Variants in CNNM2 observed in about 807,000 individuals in gnomAD.
The protein encoded by CNNM2 is cyclin and CBS domain divalent metal cation transport mediator 2.
In CNNM2, 12 loss-of-function variants were observed where a neutral mutation model predicts 66.9. That is an observed-to-expected ratio of 0.18 (90% CI 0.11 to 0.29). The LOEUF is 0.29. Ranked by LOEUF, CNNM2 falls within the 10% of genes least tolerant of loss-of-function variation. The pLI is 1.00. For synonymous variants in CNNM2, 557 were observed against 501.8 expected, an observed-to-expected ratio of 1.11 and a Z score of -1.47; for missense variants, 705 against 1,167.7, an observed-to-expected ratio of 0.60 and a Z score of 5.77.
chr10:102,971,001 G>A (rs1309015168), intron 1 of CNNM2, among the ~76,000 whole-genome samples: 1 of 150,176 alleles, frequency 6.7e-6, no homozygotes, highest in East Asian at 2.0e-4. Context: ...GACCAGCCTG[G>A]ACAAGATGGT....
In CNNM2 at chr10:102,919,026, G is replaced by A; in HGVS notation, c.546G>A (p.Lys182=). The stretch of plus-strand genomic sequence containing the variant: ...AGATCGAGATCAAACCGCTACGCAA[G>A]ATGGAGAAGAGCAAGTCCTATTACC... ...IIEIEIKPLR[K]MEKSKSYYLC... is the part of the protein sequence containing the mutation. Residue 182 remains lysine, a synonymous_variant, in exon 1 of 8, where the codon AAG becomes AAA. Coordinates refer to ENST00000369878, the MANE Select transcript of CNNM2 (RefSeq NM_017649.5). 1.2e-6 allele frequency: 2 copies of A among 1,612,754 alleles called. No homozygotes were observed. The highest frequency in any genetic ancestry group is 1.7e-6 in the Non-Finnish European group (2 of 1,179,508).
intron 1 of CNNM2, among the ~76,000 whole-genome samples, chr10:102,997,801 C>T (rs948688362): frequency 1.2e-4 from 19 of 152,082 alleles, no homozygotes; most frequent in Middle Eastern, 3.4e-3. Flanking sequence ...GTTTGCAGTC[C>T]CATTAGATTT....
rs2065757753 is a variant in CNNM2, at chr10:103,081,595, C to CT, written c.*4417dup. 1 of 152,170 alleles carries CT rather than the reference C, an allele frequency of 6.6e-6. No homozygotes were observed. The highest frequency in any genetic ancestry group is 2.1e-4 in the South Asian group (1 of 4,826). The allele number at this position is 152,170 out of a possible 1,614,324, so 9.4% of individuals were successfully genotyped here. On this transcript the variant is annotated 3_prime_UTR_variant, in exon 8 of 8. Transcript: ENST00000369878. ...TTAATAGGAGAGAGACGTTCAGAGACTTCTAAGTTGAGGTTCATTTGCCTC... is the reference window on the plus strand; with the variant it reads ...TTAATAGGAGAGAGACGTTCAGAGACTTTCTAAGTTGAGGTTCATTTGCCTC...
intron 1 of CNNM2, among the ~76,000 whole-genome samples, chr10:103,042,573 G>A (rs966538356): frequency 1.3e-5 from 2 of 152,180 alleles, no homozygotes; most frequent in African/African-American, 4.8e-5. Flanking sequence ...GGTCCTTGTG[G>A]TATGGGCCTG....
chr10:102,955,618 C>T, intron 1 of CNNM2, among the ~76,000 whole-genome samples: 1 of 152,156 alleles, frequency 6.6e-6, no homozygotes. Context: ...TTTTTGCAAT[C>T]TACCCATCTG....
intron 1 of CNNM2, among the ~76,000 whole-genome samples, chr10:103,046,773 A>C (rs563231965): frequency 1.3e-5 from 2 of 152,364 alleles, no homozygotes; most frequent in South Asian, 4.1e-4. Context: ...TGTTAGTTGA[A>C]GTATATCAGG....
intron 6 of CNNM2, among the ~76,000 whole-genome samples, chr10:103,075,405 C>T (rs1452388600): frequency 1.3e-5 from 2 of 152,162 alleles, no homozygotes; most frequent in Non-Finnish European, 2.9e-5. Context: ...CCCAGACTGG[C>T]GCTCCTTCCA....
In CNNM2 at chr10:103,028,891, C is replaced by T. The variant is rs148305940; in HGVS notation, c.1622-20816C>T. On this transcript the variant is annotated intron_variant, in intron 1 of 7. Coordinates refer to ENST00000369878, the MANE Select transcript of CNNM2 (RefSeq NM_017649.5). ...AGGCTGGAGTGCAGTGATGTGATAT[C>T]GGCTCACTGCAACCTCCGCACACCA... 6.2e-3 allele frequency among the ~76,000 whole-genome samples: 833 copies of T among 134,432 alleles called. 2 individuals carry two copies. The highest frequency in any genetic ancestry group is 8.3e-3 in the African/African-American group (296 of 35,614). The allele number at this position is 134,432 out of a possible 152,430, so 88.2% of individuals were successfully genotyped here.
At chr10:103,019,054 G>GC (rs2064515617) in intron 1 of CNNM2, among the ~76,000 whole-genome samples, 1 of 151,524 alleles carries the variant, frequency 6.6e-6, no homozygotes, top group East Asian at 2.0e-4. Context: ...GATCACTTGA[G>GC]CCCAGGAGTT....
chr10:102,994,397 A>G (rs941164564), intron 1 of CNNM2, among the ~76,000 whole-genome samples: 3 of 152,348 alleles, frequency 2.0e-5, no homozygotes, highest in Admixed American at 6.5e-5. Flanking sequence ...TGTTCATTCA[A>G]TCAGATATTT....
At chr10:102,985,112 T>G (rs560004203) in intron 1 of CNNM2, among the ~76,000 whole-genome samples, 2 of 152,210 alleles carry the variant, frequency 1.3e-5, no homozygotes, top group African/African-American at 2.4e-5. Flanking sequence ...TTTTTCTTTT[T>G]AACTTTCTGC....
At chr10:103,056,388 T>C (rs2065297520) in intron 3 of CNNM2, among the ~76,000 whole-genome samples, 1 of 152,184 alleles carries the variant, frequency 6.6e-6, no homozygotes, top group African/African-American at 2.4e-5. Flanking sequence ...CCTGTGTGTG[T>C]GCGCTGGCAC....
In CNNM2 at chr10:103,085,906, A is replaced by G. The variant is rs568023135; in HGVS notation, c.*8726A>G. 6.6e-6 allele frequency: 1 copy of G among 152,242 alleles called. No homozygotes were observed. The highest frequency in any genetic ancestry group is 1.9e-4 in the East Asian group (1 of 5,176). 9.4% of individuals were successfully genotyped at this position (152,242 alleles called of 1,614,324 possible). A position where few individuals can be genotyped will look rare whatever the true frequency, so the allele number is the denominator to read the frequency against. ...AATGGTTGAGAAATCCAGGTTAAAG[A>G]ATAGAAAAGCTTTTTACTCATTCTA... On this transcript the variant is annotated 3_prime_UTR_variant, in exon 8 of 8. Coordinates refer to ENST00000369878, the MANE Select transcript of CNNM2 (RefSeq NM_017649.5).
At chr10:102,999,720 A>G (rs954484507) in intron 1 of CNNM2, among the ~76,000 whole-genome samples, 26 of 152,334 alleles carry the variant, frequency 1.7e-4, no homozygotes, top group African/African-American at 5.5e-4. Context: ...CAAGGGACAC[A>G]GAATAGCTAA....
intron 1 of CNNM2, among the ~76,000 whole-genome samples, chr10:103,021,641 G>T (rs1260663860): frequency 2.0e-5 from 3 of 152,094 alleles, no homozygotes; most frequent in African/African-American, 7.2e-5. Flanking sequence ...GACTTCTGCT[G>T]CTTCCCTTGA....
chr10:103,003,784 A>C (rs1209459120), intron 1 of CNNM2, among the ~76,000 whole-genome samples: 1 of 151,754 alleles, frequency 6.6e-6, no homozygotes, highest in East Asian at 2.0e-4. Context: ...TTTTTAAAAC[A>C]CTATTCTCTC....
In CNNM2 at chr10:103,087,674, T is replaced by C. The variant is rs2065851892; in HGVS notation, c.*10494T>C. On this transcript the variant is annotated 3_prime_UTR_variant, in exon 8 of 8. Coordinates refer to ENST00000369878, the MANE Select transcript of CNNM2 (RefSeq NM_017649.5). ...AAGAAAACTTAAGACTATGTTAAAC[T>C]GGACAACATCTCCATCTTGAGTGAG... The C allele has an allele frequency of 6.6e-6, 1 of 152,244 alleles. No individual in the cohort carries two copies. The highest frequency in any genetic ancestry group is 2.1e-4 in the South Asian group (1 of 4,834). The allele number at this position is 152,244 out of a possible 1,614,324, so 9.4% of individuals were successfully genotyped here. A position where few individuals can be genotyped will look rare whatever the true frequency, so the allele number is the denominator to read the frequency against.
rs71019655 is a variant in CNNM2, at chr10:103,087,140, ATTTTTTTTTTTTTTTTT to A, written c.*9976_*9992del. The A allele has an allele frequency of 8.0e-3, 601 of 75,416 alleles. 12 individuals carry two copies. The highest frequency in any genetic ancestry group is 0.033 in the African/African-American group (566 of 17,334). The allele number at this position is 75,416 out of a possible 1,614,324, so 4.7% of individuals were successfully genotyped here. On this transcript the variant is annotated 3_prime_UTR_variant, in exon 8 of 8. Coordinates refer to ENST00000369878, the MANE Select transcript of CNNM2 (RefSeq NM_017649.5). Reference sequence around the variant, plus strand: ...TTCTCACGGTATAAAACTCCGCAGGATTTTTTTTTTTTTTTTTTTTTTTTTTTTTTTTAAGGAAAAAA... The same window carrying A: ...TTCTCACGGTATAAAACTCCGCAGGATTTTTTTTTTTTTTTAAGGAAAAAA...
intron 1 of CNNM2, among the ~76,000 whole-genome samples, chr10:103,043,882 C>T (rs1041812738): frequency 6.6e-6 from 1 of 152,058 alleles, no homozygotes; most frequent in Non-Finnish European, 1.5e-5. Context: ...GTTTAGATTC[C>T]CTTAGGACCA....
Sources: gnomAD v4.1 joint callset for allele counts (sites outside exome capture counted in the v4.1 genomes callset) on GRCh38, gnomAD v4.1.1 for gene constraint, MANE v1.5 for transcripts, NCBI Gene and HGNC (gene_info 2026-07-23, HGNC 2026-07-21) for gene names.